The following PRCD variants were observed in gnomAD, a reference collection of about 807,000 sequenced individuals.
The protein encoded by PRCD is photoreceptor disc component, also known as photoreceptor disk component PRCD.
PRCD carries 12 observed loss-of-function variants against 10.1 expected under a neutral mutation model. The observed-to-expected ratio is 1.18, with a 90% confidence interval of 0.76 to 1.92. The LOEUF (loss-of-function observed/expected upper bound fraction) is 1.92. PRCD is among the 40% of genes most tolerant of loss of function. The pLI is 0.00. For missense variants in PRCD, 61 were observed against 72.2 expected (o/e 0.84, Z 0.56); for synonymous variants, 31 against 26.2 (o/e 1.18, Z -0.56).
chr17:76,534,975 G>A (rs767583595), intron 1 of PRCD, among the ~76,000 whole-genome samples: 1 of 152,250 alleles, frequency 6.6e-6, no homozygotes, highest in East Asian at 1.9e-4. Flanking sequence ...AGCCAGCCCT[G>A]GGGAGTTTCT....
Position 76,533,291 on chromosome 17 carries a change from G to A in PRCD, n.45+5458G>A, listed in dbSNP as rs987605594. Among the ~76,000 whole-genome samples, 3 of 152,172 alleles carry A rather than the reference G, an allele frequency of 2.0e-5. No homozygotes were observed. The highest frequency in any genetic ancestry group is 2.9e-5 in the Non-Finnish European group (2 of 68,032). ...CCCGCTCACTGCTTCATGGATACAC[G>A]GGTGAGGACACGTGAGGCGACGGGT... is the stretch of plus-strand genomic sequence containing the variant. On this transcript the variant is annotated intron_variant and non_coding_transcript_variant, in intron 1 of 4. Coordinates refer to the PRCD transcript ENST00000397633. This position sits in a 1 kb window ranked among gnomAD's most constrained non-coding sequence, Gnocchi z 4.5.
chr17:76,537,254 ACGCCGCCTGCTC>A, upstream of PRCD: 1 of 924,126 alleles, frequency 1.1e-6, no homozygotes, highest in Non-Finnish European at 1.5e-6. Flanking sequence ...AAGGCGCCCC[ACGCCGCCTGCTC>A]CGCCGACCTC....
chr17:76,548,563 T>C (rs1467465777), downstream of PRCD, among the ~76,000 whole-genome samples: 1 of 152,222 alleles, frequency 6.6e-6, no homozygotes, highest in Non-Finnish European at 1.5e-5. Context: ...TTTAGTTCTC[T>C]GGACCTCGGT....
At chr17:76,532,474 G>A (rs1240260823) in intron 1 of PRCD, among the ~76,000 whole-genome samples, 3 of 150,830 alleles carry the variant, frequency 2.0e-5, no homozygotes, top group South Asian at 2.1e-4. Flanking sequence ...AGGCTCTCAC[G>A]CACCCTCTGA....
At position 76,528,262 on chromosome 17, in the gene PRCD, T is replaced by A. The variant is rs540711421; in HGVS notation, n.45+429T>A. On this transcript the variant is annotated intron_variant and non_coding_transcript_variant, in intron 1 of 4. Coordinates refer to the PRCD transcript ENST00000397633. This position sits in a 1 kb window ranked among gnomAD's most constrained non-coding sequence, Gnocchi z 5.8. ...GGCTGATAGAAACGGGGCTGGTTTA[T>A]TCCCTAAGGGACTCCTAGACCTGTC... 2.0e-5 allele frequency: 8 copies of A among 399,332 alleles called. No homozygotes were observed. The highest frequency in any genetic ancestry group is 3.5e-5 in the Non-Finnish European group (8 of 226,784). 24.7% of individuals were successfully genotyped at this position (399,332 alleles called of 1,614,324 possible). A position where few individuals can be genotyped will look rare whatever the true frequency, so the allele number is the denominator to read the frequency against.
At chr17:76,552,881 A>AATAT (rs1555625892) in intron 1 of PRCD, 3 of 96,926 alleles carry the variant, frequency 3.1e-5, no homozygotes, top group African/African-American at 1.2e-4. Flanking sequence ...AAAAAAAAAA[A>AATAT]ATATATATAT....
At position 76,531,705 on chromosome 17, in the gene PRCD, CA is replaced by C. The variant is rs779291055; in HGVS notation, n.45+3873del. The C allele has an allele frequency of 1.8e-5, 29 of 1,573,174 alleles. No homozygotes were observed. The highest frequency in any genetic ancestry group is 1.5e-4 in the African/African-American group (11 of 74,282). ...TTCACAAAGAACCTGGCAAGAGGAACAGGGGTGGTCGCTGAAGCTGGAGGCT... is the reference window on the plus strand; with the variant it reads ...TTCACAAAGAACCTGGCAAGAGGAACGGGGTGGTCGCTGAAGCTGGAGGCT... On this transcript the variant is annotated intron_variant and non_coding_transcript_variant, in intron 1 of 4. Coordinates refer to the PRCD transcript ENST00000397633. This position sits in a 1 kb window ranked among gnomAD's most constrained non-coding sequence, Gnocchi z 7.4.
At chr17:76,549,548 G>A (rs1235061677), downstream of PRCD, among the ~76,000 whole-genome samples, 4 of 152,298 alleles carry the variant, frequency 2.6e-5, no homozygotes. Context: ...CAACCACTTG[G>A]GAAACCAGCA....
Position 76,540,517 on chromosome 17 carries a change from C to T in PRCD, c.87C>T (p.Asp29=), listed in dbSNP as rs759376499. The change falls in exon 2 of 5, where the codon GAC becomes GAT. Residue 29 remains aspartate (D), a synonymous_variant. Transcript: ENST00000592014. This position sits in a 1 kb window ranked among gnomAD's most constrained non-coding sequence, Gnocchi z 5.0. ...FANRVQPEPS[D]VDGAARGSSL... is the part of the protein sequence containing the mutation. Reference sequence around the variant, plus strand: ...TTGCCTCCCACAGAGAGCCCAGCGACGTGGATGGGGCAGCTAGGGGCAGCA... The same window carrying T: ...TTGCCTCCCACAGAGAGCCCAGCGATGTGGATGGGGCAGCTAGGGGCAGCA... 3.7e-6 allele frequency: 6 copies of T among 1,613,202 alleles called. No homozygotes were observed. Among genetic ancestry groups the T allele is most frequent in the African/African-American group, 1.3e-5 (1 of 74,794 alleles).
At chr17:76,532,445 C>G (rs371778265) in intron 1 of PRCD, among the ~76,000 whole-genome samples, 1 of 151,986 alleles carries the variant, frequency 6.6e-6, no homozygotes, top group African/African-American at 2.4e-5. Context: ...CTCCTTCCAG[C>G]GTGTCAGACT....
At position 76,542,601 on chromosome 17, in the gene PRCD, G is replaced by C; in HGVS notation, c.*27G>C. 6.2e-7 allele frequency: 1 copy of C among 1,614,012 alleles called. No individual in the cohort carries two copies. ...CCCTCACCTCTGCAGGTGGGGCTCAGGCCCAGAGACTGGGATCAGCTGGCT... is the reference window on the plus strand; with the variant it reads ...CCCTCACCTCTGCAGGTGGGGCTCACGCCCAGAGACTGGGATCAGCTGGCT... On this transcript the variant is annotated 3_prime_UTR_variant, in exon 3 of 5. Transcript: ENST00000592014.
chr17:76,535,919 G>A (rs1392888308), upstream of PRCD, among the ~76,000 whole-genome samples: 1 of 152,248 alleles, frequency 6.6e-6, no homozygotes, highest in African/African-American at 2.4e-5. Context: ...CTTCTTCATG[G>A]TGACCCATGA....
chr17:76,539,404 CCTGT>C (rs764961872), upstream of PRCD, among the ~76,000 whole-genome samples: 20 of 152,276 alleles, frequency 1.3e-4, no homozygotes, highest in South Asian at 4.1e-4. Context: ...AGTGGCTGCA[CCTGT>C]CTATTTTGTG....
At chr17:76,532,362 C>T (rs938373627) in intron 1 of PRCD, among the ~76,000 whole-genome samples, 1 of 152,110 alleles carries the variant, frequency 6.6e-6, no homozygotes, top group Non-Finnish European at 1.5e-5. Context: ...CATGCCTTAC[C>T]TGGAGCAGGC....
rs1598203503 is a variant in PRCD at position 76,531,981 on chromosome 17, A to C, written n.45+4148A>C. On this transcript the variant is annotated intron_variant and non_coding_transcript_variant, in intron 1 of 4. Transcript: ENST00000397633. This position sits in a 1 kb window ranked among gnomAD's most constrained non-coding sequence, Gnocchi z 7.4. ...TTCTTGCTTCCTTCCCAAACTCTAC[A>C]CCCCCTTCAAGCCCTGCTCTAGTCA... is the stretch of plus-strand genomic sequence containing the variant. 9.6e-6 allele frequency: 3 copies of C among 311,698 alleles called. No homozygotes were observed. The highest frequency in any genetic ancestry group is 1.2e-5 in the Non-Finnish European group (2 of 166,318). The allele number at this position is 311,698 out of a possible 1,614,324, so 19.3% of individuals were successfully genotyped here. A position where few individuals can be genotyped will look rare whatever the true frequency, so the allele number is the denominator to read the frequency against.
At position 76,544,420 on chromosome 17, in the gene PRCD, G is replaced by A. The variant is rs991795551; in HGVS notation, c.*770G>A. 1.1e-5 allele frequency: 5 copies of A among 454,888 alleles called. No homozygotes were observed. Among genetic ancestry groups the A allele is most frequent in the South Asian group, 1.6e-5 (1 of 64,488 alleles). The allele number at this position is 454,888 out of a possible 1,614,324, so 28.2% of individuals were successfully genotyped here. A position where few individuals can be genotyped will look rare whatever the true frequency, so the allele number is the denominator to read the frequency against. On this transcript the variant is annotated 3_prime_UTR_variant, in exon 5 of 5. Coordinates refer to ENST00000592014, the MANE Select transcript of PRCD (RefSeq NM_001077620.3). ...GAACCGCTGGGGAGGCGCTCAGGGT[G>A]GGGGAGGAGGTGCACCCCGCTGGGG... is the stretch of plus-strand genomic sequence containing the variant.
chr17:76,534,475 G>A (rs1401270917), intron 1 of PRCD, among the ~76,000 whole-genome samples: 4 of 152,162 alleles, frequency 2.6e-5, no homozygotes, highest in Admixed American at 6.5e-5. Flanking sequence ...CACGGTGCCC[G>A]GCCTGTTATT....
downstream of PRCD, among the ~76,000 whole-genome samples, chr17:76,547,885 A>G (rs1307015423): frequency 6.6e-6 from 1 of 150,774 alleles, no homozygotes; most frequent in Non-Finnish European, 1.5e-5. Flanking sequence ...ACACACATAC[A>G]CATACACACA....
Position 76,531,789 on chromosome 17 carries a change from TGCTCCCC to T in PRCD, n.45+3957_45+3963del. The stretch of plus-strand genomic sequence containing the variant: ...TGGGGGCTGAAGAAGTGGACCGCAG[TGCTCCCC>T]ACCCCCGCACCGTCACTGTTTTCAC... On this transcript the variant is annotated intron_variant and non_coding_transcript_variant, in intron 1 of 4. Coordinates refer to the PRCD transcript ENST00000397633. The surrounding 1 kb of genome is among the most constrained non-coding windows in gnomAD (Gnocchi z 7.4). 1.0e-6 allele frequency: 1 copy of T among 964,224 alleles called. No homozygotes were observed. The highest frequency in any genetic ancestry group is 1.6e-5 in the South Asian group (1 of 62,042). The allele number at this position is 964,224 out of a possible 1,614,324, so 59.7% of individuals were successfully genotyped here.
Sources: gnomAD v4.1 joint callset for allele counts (sites outside exome capture counted in the v4.1 genomes callset) on GRCh38, gnomAD v4.1.1 for gene constraint, Gnocchi (gnomAD v3.1) non-coding constraint, MANE v1.5 for transcripts, NCBI Gene and HGNC (gene_info 2026-07-23, HGNC 2026-07-21) for gene names.